Variants in CDKL5 observed in about 807,000 individuals in gnomAD.
The protein encoded by CDKL5 is cyclin-dependent kinase-like 5.
Under a neutral mutation model 61.7 loss-of-function variants are expected in CDKL5, and 8 were observed. The observed-to-expected ratio is 0.13, with a 90% CI of 0.08 to 0.23. The LOEUF is 0.23. CDKL5 is among the 10% of genes least tolerant of loss of function. The probability of loss-of-function intolerance (pLI) is 1.00; values close to 1 mark genes in which losing one functional copy is unlikely to be tolerated. For missense variants in CDKL5, 440 were observed against 734.5 expected (o/e 0.60, Z 4.63); for synonymous variants, 275 against 272.3 (o/e 1.01, Z -0.10).
At chrX:18,497,308 T>C (rs1188005259) in intron 1 of CDKL5, 1 of 111,782 alleles carries the variant, frequency 8.9e-6, no homozygotes, top group Non-Finnish European at 1.9e-5. Flanking sequence ...GACATTTGGA[T>C]GTCAGTCATC....
At chrX:18,509,245 A>ACACACACACAC (rs796171313) in intron 2 of CDKL5, among the ~76,000 whole-genome samples, 2 of 95,350 alleles carry the variant, frequency 2.1e-5, no homozygotes, top group Admixed American at 1.3e-4. Context: ...ACACACACAC[A>ACACACACACAC]CCCCTGTCAA....
chrX:18,637,601 C>A lies in CDKL5; in HGVS notation c.*8844C>A, dbSNP rs1032790370. ...AAATAAATCCCTAGGATATAGAGTC[C>A]GCTTGCCTGGGTGGAGTCTTGGCTC... On this transcript the variant is annotated 3_prime_UTR_variant, in exon 18 of 18. Coordinates refer to ENST00000623535, the MANE Select transcript of CDKL5 (RefSeq NM_001323289.2). The A allele has an allele frequency of 9.1e-6, 1 of 110,266 alleles. No homozygotes were observed. Among genetic ancestry groups the A allele is most frequent in the Non-Finnish European group, 1.9e-5 (1 of 52,846 alleles). The allele number at this position is 110,266 out of a possible 1,213,427, so 9.1% of individuals were successfully genotyped here. A position where few individuals can be genotyped will look rare whatever the true frequency, so the allele number is the denominator to read the frequency against.
At chrX:18,625,394 G>A in intron 17 of CDKL5, 147 bp downstream of exon 17, 3 of 593,367 alleles carry the variant, frequency 5.1e-6, no homozygotes, top group Admixed American at 5.3e-5. Context: ...GTTATAGCCA[G>A]ATGCATCTCG....
chrX:18,444,004 C>G (rs1403964909), intron 1 of CDKL5: 1 of 109,265 alleles, frequency 9.2e-6, no homozygotes, highest in Non-Finnish European at 1.9e-5. Flanking sequence ...AGAGCTTTTC[C>G]TTGTTTATTT....
chrX:18,507,012 G>C lies in CDKL5; in HGVS notation c.-85G>C, dbSNP rs370866731. 2 of 673,214 alleles carry C rather than the reference G, an allele frequency of 3.0e-6. No individual in the cohort carries two copies. The highest frequency in any genetic ancestry group is 2.2e-5 in the South Asian group (1 of 44,802). 55.5% of individuals were successfully genotyped at this position (673,214 alleles called of 1,213,427 possible). On this transcript the variant is annotated 5_prime_UTR_variant, in exon 2 of 18. Transcript: ENST00000623535. ...CCAGTGAGAATTTCTTCCTTCAGACGGTTTTGGATCTTACTGCACAGCTTT... is the reference window on the plus strand; with the variant it reads ...CCAGTGAGAATTTCTTCCTTCAGACCGTTTTGGATCTTACTGCACAGCTTT...
chrX:18,473,017 G>A (rs1399114529), intron 1 of CDKL5, among the ~76,000 whole-genome samples: 2 of 103,463 alleles, frequency 1.9e-5, no homozygotes, highest in Non-Finnish European at 3.9e-5. Context: ...GTGCAGTGGC[G>A]TGATCTCGGC....
At chrX:18,426,240 G>A (rs2147610769) in intron 1 of CDKL5, 1 of 113,100 alleles carries the variant, frequency 8.8e-6, no homozygotes. Context: ...CGCCGGCCCC[G>A]CGGCTCCGCA....
intron 1 of CDKL5, among the ~76,000 whole-genome samples, chrX:18,495,095 C>T (rs1417628794): frequency 1.8e-5 from 2 of 112,323 alleles, no homozygotes; most frequent in East Asian, 2.8e-4. Flanking sequence ...ACCATTTGAA[C>T]TCTCTTATTA....
chrX:18,632,007 C>A lies in CDKL5; in HGVS notation c.*3250C>A. 2 of 570,445 alleles carry A rather than the reference C, an allele frequency of 3.5e-6. No homozygotes were observed. Among genetic ancestry groups the A allele is most frequent in the South Asian group, 9.1e-5 (1 of 11,017 alleles). 47.0% of individuals were successfully genotyped at this position (570,445 alleles called of 1,213,427 possible). On this transcript the variant is annotated 3_prime_UTR_variant, in exon 18 of 18. Transcript: ENST00000623535. ...ACTGGCATCAAGTGGTTAGAGGCCA[C>A]AGATGCTACTAAACACCCTGCCATG...
intron 11 of CDKL5, among the ~76,000 whole-genome samples, chrX:18,603,019 A>C (rs1228241550): frequency 8.9e-6 from 1 of 112,344 alleles, no homozygotes; most frequent in Non-Finnish European, 1.9e-5. Flanking sequence ...CAGCTTTCAA[A>C]TAGAGGACAA....
chrX:18,554,940 A>AT (rs745350188), intron 3 of CDKL5, among the ~76,000 whole-genome samples: 7 of 109,675 alleles, frequency 6.4e-5, no homozygotes, highest in Non-Finnish European at 1.1e-4. Context: ...TCATTCTCAA[A>AT]TTTTTTTTTA....
At chrX:18,647,113 C>T in intron 20 of CDKL5, 7 of 1,108,004 alleles carry the variant, frequency 6.3e-6, no homozygotes, top group Non-Finnish European at 8.7e-6. Flanking sequence ...GACGGGGTTT[C>T]ACTGTGTTGG....
At chrX:18,451,719 G>C (rs188604926) in intron 1 of CDKL5, among the ~76,000 whole-genome samples, 171 of 109,815 alleles carry the variant, frequency 1.6e-3, no homozygotes, top group Non-Finnish European at 2.6e-3. Flanking sequence ...TGTAATTTTT[G>C]GTAGAGATGG....
At chrX:18,598,440 A>G (rs762048271) in intron 10 of CDKL5, 22 bp from the exon 11 acceptor site, 3 of 1,186,330 alleles carry the variant, frequency 2.5e-6, no homozygotes, top group South Asian at 3.6e-5. Flanking sequence ...GTTCTTAACG[A>G]TCCTAAATTT....
intron 16 of CDKL5, among the ~76,000 whole-genome samples, chrX:18,623,180 T>C (rs1277442250): frequency 8.9e-6 from 1 of 112,489 alleles, no homozygotes; most frequent in Non-Finnish European, 1.9e-5. Context: ...AACTTGGTAA[T>C]TGTATCCTAG....
chrX:18,597,313 C>T (rs1312408297), intron 10 of CDKL5, among the ~76,000 whole-genome samples: 1 of 110,331 alleles, frequency 9.1e-6, no homozygotes, highest in Non-Finnish European at 1.9e-5. Context: ...TTGCCATTCT[C>T]TAAAGCTGCC....
chrX:18,494,839 G>C (rs1029814671), intron 1 of CDKL5, among the ~76,000 whole-genome samples: 7 of 111,963 alleles, frequency 6.3e-5, no homozygotes, highest in African/African-American at 1.9e-4. Flanking sequence ...ATAAAGGATG[G>C]ATTGATAAAT....
intron 3 of CDKL5, among the ~76,000 whole-genome samples, chrX:18,512,530 G>A (rs1387782151): frequency 9.0e-6 from 1 of 110,727 alleles, no homozygotes; most frequent in East Asian, 2.8e-4. Context: ...CCATGCAATG[G>A]CTTTTGTATT....
intron 3 of CDKL5, among the ~76,000 whole-genome samples, chrX:18,560,836 A>G (rs1376991254): frequency 9.0e-6 from 1 of 111,272 alleles, no homozygotes; most frequent in African/African-American, 3.3e-5. Context: ...TAAAATTTTT[A>G]TTTCAAAGAA....
Sources: allele counts gnomAD v4.1 joint callset (sites outside exome capture counted in the v4.1 genomes callset), GRCh38; gene constraint gnomAD v4.1.1; transcripts MANE v1.5; gene names NCBI Gene and HGNC (gene_info 2026-07-23, HGNC 2026-07-21).